TULP4: variants seen among roughly 807,000 people sequenced by gnomAD.
TULP4 encodes TUB like protein 4, also known as tubby-related protein 4.
Under a neutral mutation model 129.0 loss-of-function variants are expected in TULP4, and 16 were observed. The observed-to-expected ratio is 0.12, with a 90% CI of 0.08 to 0.19. TULP4 has a LOEUF of 0.19. Ranked by LOEUF, TULP4 falls within the 10% of genes least tolerant of loss-of-function variation. The probability of loss-of-function intolerance (pLI) is 1.00; values close to 1 mark genes in which losing one functional copy is unlikely to be tolerated. For missense variants in TULP4, 1,842 were observed against 2,059.1 expected (o/e 0.89, Z 2.04); for synonymous variants, 998 against 854.0 (o/e 1.17, Z -2.94).
At chr6:158,408,660 G>A (rs1180061748) in intron 1 of TULP4, among the ~76,000 whole-genome samples, 5 of 152,158 alleles carry the variant, frequency 3.3e-5, no homozygotes, top group Admixed American at 6.5e-5. Context: ...GACGAGGCCC[G>A]GAGTCAGAGC....
chr6:158,248,568 G>A (rs980198467), intron 1 of TULP4, among the ~76,000 whole-genome samples: 2 of 152,010 alleles, frequency 1.3e-5, no homozygotes, highest in Non-Finnish European at 2.9e-5. Context: ...CGTGCCCGGC[G>A]TCTGTTCTTT....
chr6:158,305,689 AG>A (rs1220050440), intron 1 of TULP4, among the ~76,000 whole-genome samples: 4 of 133,240 alleles, frequency 3.0e-5, no homozygotes, highest in African/African-American at 1.1e-4. Context: ...CGAAAGACAG[AG>A]GGAAACCCTG....
chr6:158,480,497 C>T (rs1379829738), intron 7 of TULP4, among the ~76,000 whole-genome samples: 1 of 152,232 alleles, frequency 6.6e-6, no homozygotes, highest in East Asian at 1.9e-4. Context: ...GCGTCAGCCA[C>T]CTTTTATACC....
chr6:158,510,856 A>C lies in TULP4; in HGVS notation c.*4162A>C, dbSNP rs1253892291. ...CATGTTACACGGTCTTCAAATTGAA[A>C]AGGTTTCTTGAAAAGGAAAGTTTGG... On this transcript the variant is annotated 3_prime_UTR_variant, in exon 14 of 14. Transcript: ENST00000367097. 2 of 152,228 alleles carry C rather than the reference A, an allele frequency of 1.3e-5. No individual in the cohort carries two copies. Among genetic ancestry groups the C allele is most frequent in the Admixed American group, 6.5e-5 (1 of 15,280 alleles). 9.4% of individuals were successfully genotyped at this position (152,228 alleles called of 1,614,324 possible).
intron 1 of TULP4, among the ~76,000 whole-genome samples, chr6:158,346,625 A>G (rs1780318888): frequency 6.6e-6 from 1 of 152,192 alleles, no homozygotes; most frequent in African/African-American, 2.4e-5. Flanking sequence ...AGCATCTGTA[A>G]CTTTATACTT....
At position 158,507,365 on chromosome 6, in the gene TULP4, C is replaced by G. The variant is rs958897922; in HGVS notation, c.*671C>G. 3.3e-5 allele frequency: 5 copies of G among 153,226 alleles called. No individual in the cohort carries two copies. Among genetic ancestry groups the G allele is most frequent in the African/African-American group, 9.6e-5 (4 of 41,452 alleles). 9.5% of individuals were successfully genotyped at this position (153,226 alleles called of 1,614,324 possible). A position where few individuals can be genotyped will look rare whatever the true frequency, so the allele number is the denominator to read the frequency against. On this transcript the variant is annotated 3_prime_UTR_variant, in exon 14 of 14. Transcript: ENST00000367097. ...GTAAAGAAGAAACTGCACGTATACACAGGTTCACATCACTCTGCAGACAGC... is the reference window on the plus strand; with the variant it reads ...GTAAAGAAGAAACTGCACGTATACAGAGGTTCACATCACTCTGCAGACAGC...
intron 13 of TULP4, among the ~76,000 whole-genome samples, chr6:158,504,489 C>T (rs1040647021): frequency 2.6e-5 from 4 of 151,382 alleles, no homozygotes; most frequent in South Asian, 2.1e-4. Context: ...TGGGACTACA[C>T]GTGCCCGCCA....
In TULP4 at chr6:158,327,939, G is replaced by A. The variant is rs148439542; in HGVS notation, c.252+13671G>A. ...CTTTATTGTATTATATAATGACCTG[G>A]GGGAGAACCAGCTGTTTTCTTGGGA... is the stretch of plus-strand genomic sequence containing the variant. On this transcript the variant is annotated intron_variant, in intron 1 of 13. Transcript: ENST00000367097. Among the ~76,000 whole-genome samples, 15 of 152,208 alleles carry A rather than the reference G, an allele frequency of 9.9e-5. 1 individual carries two copies. In the East Asian group the frequency reaches 2.9e-3, roughly 29 times the overall value.
chr6:158,493,604 C>G lies in TULP4; in HGVS notation c.1663C>G (p.Leu555Val). The change falls in exon 10 of 14, where the codon CTG becomes GTG. Residue 555 changes from leucine (L) to valine (V), a missense_variant. This residue lies in a region of TULP4 where 456 missense variants were observed against 534.3 expected (regional missense o/e 0.85). Coordinates refer to ENST00000367097, the MANE Select transcript of TULP4 (RefSeq NM_020245.5). This position sits in a 1 kb window ranked among gnomAD's most constrained non-coding sequence, Gnocchi z 4.4. ...ISIEARKSPK[L>V]PRAAQELSRS... is the part of the protein sequence containing the mutation. ...CATTGAGGCCCGCAAGTCACCCAAG[C>G]TGCCCCGGGCTGCTCAGGAGCTCTC... is the stretch of plus-strand genomic sequence containing the variant. 6.4e-7 allele frequency: 1 copy of G among 1,562,026 alleles called. No homozygotes were observed. The highest frequency in any genetic ancestry group is 2.5e-5 in the East Asian group (1 of 40,248).
chr6:158,333,550 G>C (rs1779962913), intron 1 of TULP4, among the ~76,000 whole-genome samples: 1 of 152,202 alleles, frequency 6.6e-6, no homozygotes, highest in African/African-American at 2.4e-5. Flanking sequence ...TTTGCTTGCA[G>C]TTCTTCTTCA....
intron 1 of TULP4, among the ~76,000 whole-genome samples, chr6:158,320,509 G>A (rs1187730190): frequency 6.7e-6 from 1 of 150,066 alleles, no homozygotes; most frequent in African/African-American, 2.5e-5. Flanking sequence ...TTGGCTCACT[G>A]CAACCTCCGC....
intron 9 of TULP4, among the ~76,000 whole-genome samples, chr6:158,492,781 A>G (rs1402210692): frequency 6.6e-6 from 1 of 152,190 alleles, no homozygotes; most frequent in African/African-American, 2.4e-5. Context: ...ATTTTTTCAT[A>G]GACTGTTTTA....
chr6:158,243,847 G>GGGGTGTGTGT (rs376169153), intron 1 of TULP4, among the ~76,000 whole-genome samples: 9 of 143,510 alleles, frequency 6.3e-5, no homozygotes, highest in African/African-American at 2.4e-4. Context: ...AGCTGAAATA[G>GGGGTGTGTGT]GTGTGTGTGT....
chr6:158,430,729 G>C (rs944111863), intron 3 of TULP4, among the ~76,000 whole-genome samples: 1 of 152,154 alleles, frequency 6.6e-6, no homozygotes, highest in African/African-American at 2.4e-5. Flanking sequence ...CTGGGTGACA[G>C]AGCGATACTC....
chr6:158,434,465 G>A (rs1294168400), intron 3 of TULP4, among the ~76,000 whole-genome samples: 7 of 152,150 alleles, frequency 4.6e-5, no homozygotes, highest in African/African-American at 1.2e-4. Flanking sequence ...CTAAGTTGAC[G>A]CAGAGTAATG....
chr6:158,442,083 T>C (rs190940629), intron 3 of TULP4, among the ~76,000 whole-genome samples: 38 of 152,280 alleles, frequency 2.5e-4, no homozygotes, highest in African/African-American at 8.7e-4. Flanking sequence ...GCAGTTATTA[T>C]GGATTAAATT....
intron 1 of TULP4, among the ~76,000 whole-genome samples, chr6:158,237,034 C>T (rs554522629): frequency 6.6e-6 from 1 of 151,984 alleles, no homozygotes; most frequent in South Asian, 2.1e-4. Context: ...TGGTCTCAAA[C>T]TCCAGACCTT....
At chr6:158,300,528 C>A (rs544605494) in intron 1 of TULP4, among the ~76,000 whole-genome samples, 2 of 152,170 alleles carry the variant, frequency 1.3e-5, no homozygotes, top group East Asian at 3.8e-4. Flanking sequence ...TCTGGTAATA[C>A]GGGAAATTCC....
chr6:158,327,248 CAT>C (rs1374391716), intron 1 of TULP4, among the ~76,000 whole-genome samples: 1 of 152,148 alleles, frequency 6.6e-6, no homozygotes, highest in African/African-American at 2.4e-5. Flanking sequence ...AAAGTTTATG[CAT>C]GTGTTCTTTT....
Sources: allele counts gnomAD v4.1 joint callset (sites outside exome capture counted in the v4.1 genomes callset), GRCh38; gene constraint gnomAD v4.1.1; regional missense constraint gnomAD v4.1.1; non-coding constraint Gnocchi (gnomAD v3.1); transcripts MANE v1.5; gene names NCBI Gene and HGNC (gene_info 2026-07-23, HGNC 2026-07-21).